The following HS2ST1 variants were observed in gnomAD, a reference collection of about 807,000 sequenced individuals.
HS2ST1 encodes 2-O-sulfotransferase.
HS2ST1 carries 18 observed loss-of-function variants against 42.9 expected under a neutral mutation model. The ratio of observed to expected loss-of-function variants is 0.42; its 90% confidence interval spans 0.29 to 0.62. The LOEUF (loss-of-function observed/expected upper bound fraction) is 0.62, where lower values mean the gene tolerates loss of function less well. HS2ST1 is among the 20% of genes least tolerant of loss of function. The pLI, the probability that HS2ST1 is intolerant of heterozygous loss-of-function variation, is 0.21. For missense variants in HS2ST1, 334 were observed against 433.8 expected, an observed-to-expected ratio of 0.77 and a Z score of 2.04; for synonymous variants, 146 against 152.9, an observed-to-expected ratio of 0.95 and a Z score of 0.33.
At chr1:86,991,900 C>A (rs11316598) in intron 1 of HS2ST1, among the ~76,000 whole-genome samples, 137,538 of 152,020 alleles carry the variant, frequency 0.9, 62,484 homozygotes, top group East Asian at 0.99. Flanking sequence ...ATCAGAATGG[C>A]TTAAATATAC....
At chr1:87,087,202 T>A (rs1016152783) in intron 3 of HS2ST1, among the ~76,000 whole-genome samples, 7 of 152,234 alleles carry the variant, frequency 4.6e-5, no homozygotes, top group African/African-American at 1.4e-4. Flanking sequence ...ATTAAAATGT[T>A]AGAAGTCTCT....
At chr1:86,979,043 A>T (rs939142023) in intron 1 of HS2ST1, among the ~76,000 whole-genome samples, 2 of 151,698 alleles carry the variant, frequency 1.3e-5, no homozygotes, top group African/African-American at 2.4e-5. Flanking sequence ...TTTTGTAGAG[A>T]TGGGGTTTTG....
chr1:86,926,717 T>C (rs1279199517), intron 1 of HS2ST1, among the ~76,000 whole-genome samples: 1 of 152,218 alleles, frequency 6.6e-6, no homozygotes, highest in Non-Finnish European at 1.5e-5. Context: ...TCATTTGAAT[T>C]ATACTTAGTA....
At chr1:87,020,315 T>G (rs1649904513) in intron 1 of HS2ST1, among the ~76,000 whole-genome samples, 1 of 152,202 alleles carries the variant, frequency 6.6e-6, no homozygotes, top group Admixed American at 6.5e-5. Flanking sequence ...ACAGTGTATA[T>G]TTGCCTCTAT....
chr1:86,935,499 G>T (rs1429795751), intron 1 of HS2ST1, among the ~76,000 whole-genome samples: 3 of 104,314 alleles, frequency 2.9e-5, no homozygotes, highest in African/African-American at 3.8e-5. Flanking sequence ...GGCTTGCTCT[G>T]TTGCCCAGGC....
rs531560094 is a variant in HS2ST1 at position 86,917,273 on chromosome 1, C to A, written c.124+2113C>A. On this transcript the variant is annotated intron_variant, in intron 1 of 6. Transcript: ENST00000370550. Reference sequence around the variant, plus strand: ...GTGGCTCACGCCTGTAATCCCAGCACTTTGGGAGGCCGAGGCCGGCGGATC... The same window carrying A: ...GTGGCTCACGCCTGTAATCCCAGCAATTTGGGAGGCCGAGGCCGGCGGATC... Among the ~76,000 whole-genome samples, 4 of 152,264 alleles carry A rather than the reference C, an allele frequency of 2.6e-5. No individual in the cohort carries two copies. The South Asian group carries it at 8.3e-4, about 32-fold the overall frequency.
intron 1 of HS2ST1, among the ~76,000 whole-genome samples, chr1:86,981,062 G>A (rs1648575901): frequency 6.6e-6 from 1 of 152,106 alleles, no homozygotes; most frequent in Non-Finnish European, 1.5e-5. Flanking sequence ...AGGCGAAGGG[G>A]AGGAAAGCAA....
In HS2ST1 at chr1:86,950,092, G is replaced by A. The variant is rs141941826; in HGVS notation, c.124+34932G>A. On this transcript the variant is annotated intron_variant, in intron 1 of 6. Transcript: ENST00000370550. ...ATTTGGTGAAAGATTGTTGGGATTG[G>A]ATTCGGAGAAATCTGACCAGTTTAA... 2.8e-4 allele frequency among the ~76,000 whole-genome samples: 42 copies of A among 152,318 alleles called. No homozygotes were observed. In the East Asian group the frequency reaches 6.7e-3, roughly 24 times the overall value.
intron 1 of HS2ST1, among the ~76,000 whole-genome samples, chr1:86,961,087 A>G (rs1377506152): frequency 6.6e-6 from 1 of 152,090 alleles, no homozygotes; most frequent in African/African-American, 2.4e-5. Flanking sequence ...TTATCTAGCC[A>G]TAAAAAGAAA....
intron 3 of HS2ST1, among the ~76,000 whole-genome samples, chr1:87,087,886 A>T (rs1407502553): frequency 2.0e-5 from 3 of 152,102 alleles, no homozygotes; most frequent in Non-Finnish European, 4.4e-5. Flanking sequence ...AGTCAGACAG[A>T]TCTGCCATTA....
At chr1:86,928,146 C>G (rs1660460521) in intron 1 of HS2ST1, among the ~76,000 whole-genome samples, 1 of 152,166 alleles carries the variant, frequency 6.6e-6, no homozygotes, top group Admixed American at 6.5e-5. Flanking sequence ...GTTGTAAATT[C>G]TGCCCTATTT....
intron 1 of HS2ST1, among the ~76,000 whole-genome samples, chr1:86,954,656 A>G (rs1330290959): frequency 6.6e-6 from 1 of 152,202 alleles, no homozygotes; most frequent in African/African-American, 2.4e-5. Flanking sequence ...GGCTAAGTCA[A>G]AGCACCAGTC....
intron 1 of HS2ST1, among the ~76,000 whole-genome samples, chr1:86,946,412 C>CT (rs35562442): frequency 1.3e-5 from 2 of 152,168 alleles, no homozygotes; most frequent in African/African-American, 2.4e-5. Flanking sequence ...GATTAGAACT[C>CT]TTTTTACCAA....
At chr1:87,065,889 A>G (rs982118368) in intron 1 of HS2ST1, among the ~76,000 whole-genome samples, 2 of 152,068 alleles carry the variant, frequency 1.3e-5, no homozygotes, top group Non-Finnish European at 1.5e-5. Context: ...GTTGTTATCA[A>G]TGTATTTCTT....
chr1:87,024,632 G>A (rs1301098083), intron 1 of HS2ST1, among the ~76,000 whole-genome samples: 1 of 152,180 alleles, frequency 6.6e-6, no homozygotes, highest in Non-Finnish European at 1.5e-5. Context: ...ATGAAATAGG[G>A]ATAATTAAAT....
At chr1:86,952,258 G>T (rs1320075002) in intron 1 of HS2ST1, among the ~76,000 whole-genome samples, 1 of 152,116 alleles carries the variant, frequency 6.6e-6, no homozygotes, top group African/African-American at 2.4e-5. Flanking sequence ...CTTTTTTTGA[G>T]ATAGAATCTC....
chr1:87,046,657 AC>A, intron 1 of HS2ST1: 1 of 1,519,906 alleles, frequency 6.6e-7, no homozygotes, highest in Non-Finnish European at 8.9e-7. Flanking sequence ...AACAGAATGA[AC>A]CCCAGTTAGG....
intron 2 of HS2ST1, among the ~76,000 whole-genome samples, chr1:87,079,618 A>T (rs1320709437): frequency 1.3e-5 from 2 of 152,244 alleles, no homozygotes; most frequent in East Asian, 3.9e-4. Context: ...AAACTTTAAC[A>T]TATTGCCTTA....
chr1:87,009,846 A>C (rs895079135), intron 1 of HS2ST1, among the ~76,000 whole-genome samples: 1 of 152,076 alleles, frequency 6.6e-6, no homozygotes, highest in Admixed American at 6.5e-5. Flanking sequence ...CATCCTGGCT[A>C]ACACGGTGAA....
Sources: allele counts gnomAD v4.1 joint callset (sites outside exome capture counted in the v4.1 genomes callset), GRCh38; gene constraint gnomAD v4.1.1; transcripts MANE v1.5; gene names NCBI Gene and HGNC (gene_info 2026-07-23, HGNC 2026-07-21).